The following RCAN2 variants were observed in gnomAD, a reference collection of about 807,000 sequenced individuals.
RCAN2 encodes the protein regulator of calcineurin 2, also known as calcipressin-2.
RCAN2 carries 9 observed loss-of-function variants against 23.6 expected under a neutral mutation model. That is an observed-to-expected ratio of 0.38 (90% CI 0.23 to 0.67). The LOEUF is 0.67. Among genes scored for constraint, RCAN2 ranks in the 30% least tolerant of loss-of-function variants. The pLI is 0.51. For synonymous variants in RCAN2, 109 were observed against 115.7 expected (o/e 0.94, Z 0.37); for missense variants, 273 against 302.3 (o/e 0.90, Z 0.72).
chr6:46,280,061 G>A (rs1241738287), intron 2 of RCAN2, among the ~76,000 whole-genome samples: 2 of 152,082 alleles, frequency 1.3e-5, no homozygotes, highest in Non-Finnish European at 2.9e-5. Flanking sequence ...GTAGAACTAG[G>A]AACAGAATCC....
In RCAN2 at chr6:46,396,840, G is replaced by A. The variant is rs915244025; in HGVS notation, c.225+59912C>T. ...GTAAATAGTAATCTTGGCTGGGTGC[G>A]GTGGCTCAGGCCTGTATTCTCAGCA... On this transcript the variant is annotated intron_variant, in intron 2 of 4. Coordinates refer to ENST00000371374, the MANE Select transcript of RCAN2 (RefSeq NM_001251974.2). Among the ~76,000 whole-genome samples, 8 of 152,146 alleles carry A rather than the reference G, an allele frequency of 5.3e-5. No homozygotes were observed. In the East Asian group the frequency reaches 5.8e-4, roughly 11 times the overall value.
intron 2 of RCAN2, among the ~76,000 whole-genome samples, chr6:46,403,131 A>T (rs1039912697): frequency 2.6e-5 from 4 of 151,826 alleles, no homozygotes; most frequent in Non-Finnish European, 5.9e-5. Context: ...CACCCAGCTA[A>T]TTTTTTTGTA....
intron 4 of RCAN2, among the ~76,000 whole-genome samples, chr6:46,225,284 TTGGGTATA>T (rs1765624032): frequency 6.6e-6 from 1 of 152,228 alleles, no homozygotes; most frequent in African/African-American, 2.4e-5. Context: ...TTATAATCCT[TTGGGTATA>T]TACCCAGTAA....
chr6:46,403,410 TA>T (rs35116341), intron 2 of RCAN2, among the ~76,000 whole-genome samples: 1 of 151,660 alleles, frequency 6.6e-6, no homozygotes, highest in African/African-American at 2.4e-5. Flanking sequence ...CTGTCTCTGC[TA>T]AAAAAACAAA....
At chr6:46,280,303 T>C (rs914064745) in intron 2 of RCAN2, among the ~76,000 whole-genome samples, 16 of 152,166 alleles carry the variant, frequency 1.1e-4, no homozygotes, top group African/African-American at 3.9e-4. Flanking sequence ...CTCCTGAAAA[T>C]ATTTTTTTTA....
chr6:46,457,726 G>T (rs910912745), intron 1 of RCAN2, among the ~76,000 whole-genome samples: 3 of 152,074 alleles, frequency 2.0e-5, no homozygotes, highest in African/African-American at 7.2e-5. Flanking sequence ...AGTCATTTGT[G>T]AACCAGGTCC....
chr6:46,324,639 C>T (rs1162591716), intron 2 of RCAN2, among the ~76,000 whole-genome samples: 2 of 152,130 alleles, frequency 1.3e-5, no homozygotes, highest in African/African-American at 4.8e-5. Flanking sequence ...ATTTTGCAAG[C>T]CTGGCATCTT....
intron 2 of RCAN2, among the ~76,000 whole-genome samples, chr6:46,290,437 C>T (rs544465638): frequency 4.6e-5 from 7 of 152,244 alleles, no homozygotes; most frequent in South Asian, 2.1e-4. Context: ...TTGCAGGAGG[C>T]CACTTTGTCT....
chr6:46,285,390 G>A (rs1318784552), intron 2 of RCAN2, among the ~76,000 whole-genome samples: 1 of 152,166 alleles, frequency 6.6e-6, no homozygotes, highest in Non-Finnish European at 1.5e-5. Flanking sequence ...ACTGCTCTAG[G>A]CTCTGGGCCT....
At chr6:46,322,735 C>A (rs941393094) in intron 2 of RCAN2, among the ~76,000 whole-genome samples, 3 of 152,232 alleles carry the variant, frequency 2.0e-5, no homozygotes, top group Non-Finnish European at 2.9e-5. Context: ...ATGTGCCTCC[C>A]TTTTCTCTGA....
intron 2 of RCAN2, among the ~76,000 whole-genome samples, chr6:46,445,725 G>A (rs1222768269): frequency 1.3e-5 from 2 of 152,088 alleles, no homozygotes; most frequent in African/African-American, 4.8e-5. Flanking sequence ...AATACGAGAT[G>A]TTGAATTATT....
intron 4 of RCAN2, 134 bp from the exon 5 acceptor site, chr6:46,223,435 A>G (rs888265515): frequency 2.6e-6 from 2 of 772,610 alleles, no homozygotes; most frequent in Non-Finnish European, 2.1e-6. Flanking sequence ...CAGGGATGGC[A>G]CAGGGTGTTG....
chr6:46,270,006 G>T (rs1480737986), intron 2 of RCAN2, among the ~76,000 whole-genome samples: 1 of 152,188 alleles, frequency 6.6e-6, no homozygotes, highest in Non-Finnish European at 1.5e-5. Flanking sequence ...CAGGGACTCA[G>T]CTGAGAACAT....
chr6:46,314,570 A>G (rs1319235999), intron 2 of RCAN2, among the ~76,000 whole-genome samples: 1 of 152,088 alleles, frequency 6.6e-6, no homozygotes, highest in African/African-American at 2.4e-5. Context: ...ATTTCTACCT[A>G]TCTCCACTGT....
At chr6:46,233,721 C>CTTTTTTTTTTTTTTTTTTTTTTTTTTT (rs1240948992) in intron 4 of RCAN2, among the ~76,000 whole-genome samples, 2 of 130,772 alleles carry the variant, frequency 1.5e-5, no homozygotes, top group South Asian at 2.4e-4. Context: ...AAGAACACTT[C>CTTTTTTTTTTTTTTTTTTTTTTTTTTT]TTTTTTTTTT....
rs146081470 is a variant in RCAN2, at chr6:46,338,400, G to T, written c.226-89504C>A. On this transcript the variant is annotated intron_variant, in intron 2 of 4. Coordinates refer to ENST00000371374, the MANE Select transcript of RCAN2 (RefSeq NM_001251974.2). ...CTCTAGAGTCAAAAGTTCGGGTGTG[G>T]TGTCTCATTGGTCAAGCCCGAGTCA... 7.9e-5 allele frequency among the ~76,000 whole-genome samples: 12 copies of T among 152,202 alleles called. No homozygotes were observed. The East Asian group carries it at 1.5e-3, about 20-fold the overall frequency.
chr6:46,404,042 T>C lies in RCAN2; in HGVS notation c.225+52710A>G, dbSNP rs28622868. 5.3e-5 allele frequency among the ~76,000 whole-genome samples: 8 copies of C among 152,206 alleles called. 1 individual carries two copies. In the South Asian group the frequency reaches 1.7e-3, roughly 32 times the overall value. ...TTCAAGACCAGCCTGGCCAACATGG[T>C]GAAATCCCGTCTCTACTAAAAATAC... On this transcript the variant is annotated intron_variant, in intron 2 of 4. Coordinates refer to ENST00000371374, the MANE Select transcript of RCAN2 (RefSeq NM_001251974.2).
intron 2 of RCAN2, among the ~76,000 whole-genome samples, chr6:46,304,265 GGTT>G (rs1352383412): frequency 8.6e-5 from 13 of 152,010 alleles, no homozygotes; most frequent in Admixed American, 8.5e-4. Context: ...TTTTTAATTG[GGTT>G]GTTTGTTTTT....
intron 2 of RCAN2, among the ~76,000 whole-genome samples, chr6:46,357,593 A>C (rs1764877656): frequency 1.3e-5 from 2 of 152,214 alleles, no homozygotes; most frequent in African/African-American, 4.8e-5. Flanking sequence ...TGAGTGCTTT[A>C]AAACCCATAT....
Sources: gnomAD v4.1 joint callset for allele counts (sites outside exome capture counted in the v4.1 genomes callset) on GRCh38, gnomAD v4.1.1 for gene constraint, MANE v1.5 for transcripts, NCBI Gene and HGNC (gene_info 2026-07-23, HGNC 2026-07-21) for gene names.